Variants in C12orf54 observed in about 807,000 individuals in gnomAD.
C12orf54 encodes the protein uncharacterized protein C12orf54.
A neutral mutation model predicts 26.4 loss-of-function variants in C12orf54; 24 were observed. That is an observed-to-expected ratio of 0.91 (90% confidence interval 0.66 to 1.28). The LOEUF (loss-of-function observed/expected upper bound fraction) is 1.28. Among genes scored for constraint, C12orf54 ranks in the 50% most tolerant of loss-of-function variants. The pLI, the probability that C12orf54 is intolerant of heterozygous loss-of-function variation, is 0.00. For missense variants in C12orf54, 154 were observed against 150.9 expected (o/e 1.02, Z -0.11); for synonymous variants, 54 against 47.0 (o/e 1.15, Z -0.61).
the C12orf54 span, among the ~76,000 whole-genome samples, chr12:48,471,101 C>A: frequency 6.6e-6 from 1 of 152,030 alleles, no homozygotes; most frequent in East Asian, 1.9e-4. Flanking sequence ...CCATCCTCAT[C>A]TCCCCCCAAC....
At chr12:48,487,092 T>C (rs1217801397) in intron 4 of C12orf54, among the ~76,000 whole-genome samples, 2 of 152,234 alleles carry the variant, frequency 1.3e-5, no homozygotes, top group Non-Finnish European at 1.5e-5. Flanking sequence ...ATGCCAGGTT[T>C]CACTTTATAG....
the C12orf54 span, among the ~76,000 whole-genome samples, chr12:48,460,898 GA>G: frequency 1.3e-5 from 2 of 151,896 alleles, no homozygotes; most frequent in Non-Finnish European, 2.9e-5. Context: ...AAGACAAATA[GA>G]AAACAAAGAG....
intron 8 of C12orf54, chr12:48,495,638 T>C (rs951101181): frequency 6.6e-6 from 1 of 152,604 alleles, no homozygotes; most frequent in Admixed American, 6.5e-5. Flanking sequence ...ACACCCTCTA[T>C]ATGGCCTTCT....
chr12:48,482,128 G>T (rs1243360458), upstream of C12orf54, among the ~76,000 whole-genome samples: 1 of 152,092 alleles, frequency 6.6e-6, no homozygotes, highest in African/African-American at 2.4e-5. Flanking sequence ...GATTTTCTAG[G>T]TCAAAGACTT....
At chr12:48,416,624 G>A in the C12orf54 span, among the ~76,000 whole-genome samples, 1 of 152,142 alleles carries the variant, frequency 6.6e-6, no homozygotes, top group Non-Finnish European at 1.5e-5. Context: ...CACTTTGGGA[G>A]GCCGAGACAG....
the C12orf54 span, among the ~76,000 whole-genome samples, chr12:48,477,033 A>T: frequency 3.9e-5 from 6 of 152,136 alleles, no homozygotes; most frequent in African/African-American, 7.2e-5. Context: ...GAACAGAAAT[A>T]ATAACAAACT....
At chr12:48,445,302 A>T in the C12orf54 span, among the ~76,000 whole-genome samples, 2 of 151,292 alleles carry the variant, frequency 1.3e-5, no homozygotes, top group Non-Finnish European at 2.9e-5. Context: ...AGGATTTTAG[A>T]CTCCCTGGGC....
At position 48,496,236 on chromosome 12, in the gene C12orf54, G is replaced by C. The variant is rs1038711638; in HGVS notation, c.*96G>C. 1 of 152,626 alleles carries C rather than the reference G, an allele frequency of 6.6e-6. No individual in the cohort carries two copies. The highest frequency in any genetic ancestry group is 2.4e-5 in the African/African-American group (1 of 41,448). The allele number at this position is 152,626 out of a possible 1,614,324, so 9.5% of individuals were successfully genotyped here. A position where few individuals can be genotyped will look rare whatever the true frequency, so the allele number is the denominator to read the frequency against. On this transcript the variant is annotated 3_prime_UTR_variant, in exon 9 of 9. Coordinates refer to ENST00000548364, the MANE Select transcript of C12orf54 (RefSeq NM_152319.4). ...ACATCATCACTGAACCCAGAAGAGA[G>C]GGTGGTGCCCATGAGTGGAGATGCC...
chr12:48,430,949 A>G, the C12orf54 span, among the ~76,000 whole-genome samples: 1 of 152,238 alleles, frequency 6.6e-6, no homozygotes, highest in African/African-American at 2.4e-5. Flanking sequence ...TATATATACG[A>G]TGGAATACTA....
the C12orf54 span, among the ~76,000 whole-genome samples, chr12:48,456,929 T>C: frequency 1.3e-5 from 2 of 152,036 alleles, no homozygotes; most frequent in African/African-American, 4.8e-5. Context: ...TTATCACCAT[T>C]ATGAGGACCA....
chr12:48,439,320 C>T, the C12orf54 span, among the ~76,000 whole-genome samples: 1 of 152,124 alleles, frequency 6.6e-6, no homozygotes, highest in Admixed American at 6.6e-5. Context: ...ATAGTTCAAC[C>T]CTTGTGGAAG....
At chr12:48,434,124 A>C in the C12orf54 span, among the ~76,000 whole-genome samples, 153 of 152,282 alleles carry the variant, frequency 1.0e-3, no homozygotes, top group African/African-American at 3.6e-3. Context: ...TATCCCACAC[A>C]TGACTCGGAG....
intron 8 of C12orf54, chr12:48,495,553 C>G (rs1937894005): frequency 6.6e-6 from 1 of 152,616 alleles, no homozygotes; most frequent in Non-Finnish European, 1.5e-5. Flanking sequence ...GCTCCATAGG[C>G]TCATCTGACA....
the C12orf54 span, among the ~76,000 whole-genome samples, chr12:48,429,138 C>T: frequency 1.3e-5 from 2 of 152,100 alleles, no homozygotes; most frequent in African/African-American, 4.8e-5. Flanking sequence ...TTAAAACTCT[C>T]AGCAAAATCG....
chr12:48,472,654 A>G, the C12orf54 span: 1 of 1,613,918 alleles, frequency 6.2e-7, no homozygotes, highest in Admixed American at 1.7e-5. Flanking sequence ...TCTGCAGAGA[A>G]AGCGTGAGAG....
the C12orf54 span, among the ~76,000 whole-genome samples, chr12:48,472,221 A>G: frequency 1.3e-5 from 2 of 152,194 alleles, no homozygotes; most frequent in South Asian, 2.1e-4. Context: ...AAAACTGTTT[A>G]TCAGCTCTAT....
the C12orf54 span, among the ~76,000 whole-genome samples, chr12:48,452,841 C>T: frequency 2.6e-5 from 4 of 150,958 alleles, no homozygotes; most frequent in Non-Finnish European, 4.5e-5. Context: ...TTAAAAATAA[C>T]AGAACTAGCA....
the C12orf54 span, among the ~76,000 whole-genome samples, chr12:48,443,750 T>G: frequency 6.6e-6 from 1 of 152,362 alleles, no homozygotes; most frequent in East Asian, 1.9e-4. Flanking sequence ...CTTTTTTGCC[T>G]ACTCTGCAGT....
chr12:48,467,391 G>T, the C12orf54 span, among the ~76,000 whole-genome samples: 1,066 of 152,252 alleles, frequency 7.0e-3, 7 homozygotes, highest in South Asian at 0.024. Context: ...CACCAATTTT[G>T]TGGCAATTTG....
Sources: allele counts gnomAD v4.1 joint callset (sites outside exome capture counted in the v4.1 genomes callset), GRCh38; gene constraint gnomAD v4.1.1; transcripts MANE v1.5; gene names NCBI Gene and HGNC (gene_info 2026-07-23, HGNC 2026-07-21).